The following ZNF695 variants were observed in gnomAD, a reference collection of about 807,000 sequenced individuals.
ZNF695 encodes zinc finger protein 695.
In ZNF695, 11 loss-of-function variants were observed where a neutral mutation model predicts 11.2. The observed-to-expected ratio is 0.98, with a 90% CI of 0.62 to 1.62. The LOEUF (loss-of-function observed/expected upper bound fraction) is 1.62, where lower values mean the gene tolerates loss of function less well. Ranked by LOEUF, ZNF695 falls within the 40% of genes most tolerant of loss-of-function variation. The pLI, the probability that ZNF695 is intolerant of heterozygous loss-of-function variation, is 0.00. For missense variants in ZNF695, 559 were observed against 590.5 expected (o/e 0.95, Z 0.55); for synonymous variants, 190 against 201.4 (o/e 0.94, Z 0.48).
intron 1 of ZNF695, among the ~76,000 whole-genome samples, chr1:247,007,386 C>T (rs1669569645): frequency 6.7e-6 from 1 of 150,246 alleles, no homozygotes; most frequent in Non-Finnish European, 1.5e-5. Context: ...ATTCCAGCTA[C>T]TCGGGAGGCT....
At chr1:246,998,092 G>A (rs535268101) in intron 3 of ZNF695, among the ~76,000 whole-genome samples, 1 of 152,278 alleles carries the variant, frequency 6.6e-6, no homozygotes, top group Admixed American at 6.5e-5. Flanking sequence ...TAGCTTAACT[G>A]TATAATCATT....
At chr1:246,983,101 G>T (rs570586820), downstream of ZNF695, among the ~76,000 whole-genome samples, 12 of 152,084 alleles carry the variant, frequency 7.9e-5, no homozygotes, top group South Asian at 2.1e-3. Flanking sequence ...CTACTTGGGA[G>T]GCTGAGGCAG....
chr1:246,977,567 TAA>T (rs1433042011), intron 4 of ZNF695, among the ~76,000 whole-genome samples: 1 of 152,224 alleles, frequency 6.6e-6, no homozygotes, highest in Non-Finnish European at 1.5e-5. Context: ...ATAAAGTTTT[TAA>T]AAGTCTTTTA....
intron 5 of ZNF695, among the ~76,000 whole-genome samples, chr1:246,952,160 G>C (rs991506102): frequency 6.6e-6 from 1 of 152,108 alleles, no homozygotes; most frequent in African/African-American, 2.4e-5. Flanking sequence ...TGTTGCCCAG[G>C]CTGGTCTCGA....
At chr1:246,945,635 G>A, downstream of ZNF695, 5 of 683,136 alleles carry the variant, frequency 7.3e-6, no homozygotes, top group Non-Finnish European at 1.2e-5. Context: ...AACCAACATG[G>A]AAGAACAATC....
intron 5 of ZNF695, among the ~76,000 whole-genome samples, chr1:246,946,432 A>C (rs1247891158): frequency 1.3e-5 from 2 of 152,180 alleles, no homozygotes; most frequent in African/African-American, 4.8e-5. Flanking sequence ...TAGCCTTCTG[A>C]TAAATTTTCA....
At chr1:246,949,142 A>T (rs758329231) in intron 5 of ZNF695, among the ~76,000 whole-genome samples, 2 of 152,230 alleles carry the variant, frequency 1.3e-5, no homozygotes, top group Non-Finnish European at 2.9e-5. Flanking sequence ...TGGAGTAATG[A>T]AACAGAAGGA....
intron 1 of ZNF695, 68 bp from the exon 2 acceptor site, chr1:247,000,142 G>A (rs1669322100): frequency 7.3e-7 from 1 of 1,367,606 alleles, no homozygotes; most frequent in Non-Finnish European, 1.0e-6. Flanking sequence ...GGCAAGGAGA[G>A]ACAGTGAAGA....
chr1:246,994,023 A>C (rs1166751897), intron 3 of ZNF695, among the ~76,000 whole-genome samples: 1 of 152,174 alleles, frequency 6.6e-6, no homozygotes, highest in Non-Finnish European at 1.5e-5. Context: ...AAAATACAAA[A>C]AAATTAGCTG....
downstream of ZNF695, among the ~76,000 whole-genome samples, chr1:246,980,681 G>A (rs892698826): frequency 6.6e-5 from 10 of 152,082 alleles, no homozygotes; most frequent in Non-Finnish European, 2.9e-5. Flanking sequence ...GCCTCCCAAT[G>A]TGCTGGGATT....
At chr1:246,969,920 A>G (rs1668382946) in intron 4 of ZNF695, among the ~76,000 whole-genome samples, 1 of 152,182 alleles carries the variant, frequency 6.6e-6, no homozygotes, top group Admixed American at 6.6e-5. Context: ...CCATGATCCA[A>G]TCACCTCCCA....
At chr1:246,985,273 T>C, downstream of ZNF695, 1 of 983,398 alleles carries the variant, frequency 1.0e-6, no homozygotes, top group Non-Finnish European at 1.2e-6. Flanking sequence ...AAAAGGAAAA[T>C]GTAAATAAAA....
downstream of ZNF695, among the ~76,000 whole-genome samples, chr1:246,980,548 C>A (rs2103018442): frequency 6.6e-6 from 1 of 151,892 alleles, no homozygotes; most frequent in East Asian, 1.9e-4. Context: ...TCCCAAGCAG[C>A]CGAGATTACA....
chr1:246,994,308 A>G (rs1669129135), intron 3 of ZNF695, among the ~76,000 whole-genome samples: 1 of 152,136 alleles, frequency 6.6e-6, no homozygotes, highest in Admixed American at 6.6e-5. Flanking sequence ...TGGGAGGCTG[A>G]GGTGGGCAGA....
chr1:246,991,285 T>C (rs1176504275), intron 3 of ZNF695, among the ~76,000 whole-genome samples: 3 of 151,604 alleles, frequency 2.0e-5, no homozygotes, highest in Non-Finnish European at 4.4e-5. Flanking sequence ...TGGGAACATA[T>C]CAAGTTAAAA....
At chr1:246,996,316 T>C (rs1175149266) in intron 3 of ZNF695, 5 of 233,520 alleles carry the variant, frequency 2.1e-5, no homozygotes, top group Non-Finnish European at 4.3e-5. Context: ...AGTCGGGCCA[T>C]GCACTCCAGC....
chr1:247,001,929 A>T (rs1669398618), intron 1 of ZNF695, among the ~76,000 whole-genome samples: 1 of 152,122 alleles, frequency 6.6e-6, no homozygotes, highest in South Asian at 2.1e-4. Context: ...ACAGTATTAG[A>T]TCATCAAAGC....
intron 1 of ZNF695, among the ~76,000 whole-genome samples, chr1:247,005,608 G>T (rs912946561): frequency 6.6e-6 from 1 of 152,036 alleles, no homozygotes; most frequent in African/African-American, 2.4e-5. Flanking sequence ...AGTTTACTCG[G>T]GAGGCTGAGG....
At position 246,986,892 on chromosome 1, in the gene ZNF695, T is replaced by C. The variant is rs1257076714; in HGVS notation, c.*75A>G. 3 of 1,500,536 alleles carry C rather than the reference T, an allele frequency of 2.0e-6. No homozygotes were observed. Among genetic ancestry groups the C allele is most frequent in the African/African-American group, 1.4e-5 (1 of 71,572 alleles). The allele number at this position is 1,500,536 out of a possible 1,614,324, so 93.0% of individuals were successfully genotyped here. A position where few individuals can be genotyped will look rare whatever the true frequency, so the allele number is the denominator to read the frequency against. On this transcript the variant is annotated 3_prime_UTR_variant, in exon 4 of 4. Transcript: ENST00000339986. The stretch of plus-strand genomic sequence containing the variant: ...TTACATTTGTAACACTCTTATTCAG[T>C]AAAAATATTCTGCTGTGAAGTTGTG...
Sources: allele counts gnomAD v4.1 joint callset (sites outside exome capture counted in the v4.1 genomes callset), GRCh38; gene constraint gnomAD v4.1.1; transcripts MANE v1.5; gene names NCBI Gene and HGNC (gene_info 2026-07-23, HGNC 2026-07-21).